PTPRQ: variants seen among roughly 807,000 people sequenced by gnomAD.
PTPRQ encodes phosphatidylinositol phosphatase PTPRQ.
In PTPRQ, 199 loss-of-function variants were observed where a neutral mutation model predicts 246.0. The ratio of observed to expected loss-of-function variants is 0.81; its 90% confidence interval spans 0.72 to 0.91. The LOEUF is 0.91. Ranked by LOEUF, PTPRQ falls within the 40% of genes least tolerant of loss-of-function variation. PTPRQ has a pLI of 0.00. For missense variants in PTPRQ, 2,624 were observed against 2,528.4 expected (o/e 1.04, Z -0.81); for synonymous variants, 869 against 853.2 (o/e 1.02, Z -0.32).
Position 80,664,945 on chromosome 12 carries a change from AG to A in PTPRQ, c.6193-4059del, listed in dbSNP as rs1482005002. ...CTTTTTCTTGGTGATTGTAAGAGTC[AG>A]GGTTCTCTAGAGGGACAGAACTAAC... On this transcript the variant is annotated intron_variant, in intron 39 of 44. Transcript: ENST00000644991. Among the ~76,000 whole-genome samples the A allele has an allele frequency of 7.9e-5, 12 of 152,096 alleles. No homozygotes were observed. The East Asian group carries it at 2.1e-3, about 27-fold the overall frequency.
At chr12:80,477,413 A>C (rs1469416120) in intron 8 of PTPRQ, among the ~76,000 whole-genome samples, 1 of 152,174 alleles carries the variant, frequency 6.6e-6, no homozygotes, top group Non-Finnish European at 1.5e-5. Context: ...ATTCTCAAGA[A>C]AATTATTTTT....
chr12:80,475,354 G>T (rs575692708), intron 8 of PTPRQ, among the ~76,000 whole-genome samples: 12 of 152,102 alleles, frequency 7.9e-5, no homozygotes, highest in Admixed American at 6.5e-4. Context: ...TGGCATTGGG[G>T]TAAAGAAAAT....
intron 25 of PTPRQ, among the ~76,000 whole-genome samples, chr12:80,576,896 C>T (rs202047645): frequency 6.6e-6 from 1 of 152,152 alleles, no homozygotes; most frequent in East Asian, 1.9e-4. Flanking sequence ...ATTTTATTTC[C>T]TCATACTCAT....
chr12:80,465,509 G>T (rs1174280449), intron 6 of PTPRQ: 2 of 152,192 alleles, frequency 1.3e-5, no homozygotes, highest in Non-Finnish European at 2.9e-5. Flanking sequence ...ATTTTATGAG[G>T]CCAGCATCAT....
chr12:80,475,541 T>C (rs1235184996), intron 8 of PTPRQ, among the ~76,000 whole-genome samples: 1 of 152,102 alleles, frequency 6.6e-6, no homozygotes, highest in Non-Finnish European at 1.5e-5. Flanking sequence ...TTTGTATCAA[T>C]ATTAAAGTCT....
chr12:80,572,593 A>G (rs545439514), intron 25 of PTPRQ, among the ~76,000 whole-genome samples: 1 of 152,194 alleles, frequency 6.6e-6, no homozygotes, highest in East Asian at 1.9e-4. Context: ...GTTGTTCCCA[A>G]TTTCAGGGAG....
At chr12:80,550,562 A>G (rs1400413514) in intron 25 of PTPRQ, among the ~76,000 whole-genome samples, 1 of 152,106 alleles carries the variant, frequency 6.6e-6, no homozygotes, top group Non-Finnish European at 1.5e-5. Context: ...CCAGGATGGA[A>G]TAGTTACATT....
chr12:80,511,094 T>C (rs1186200109), intron 17 of PTPRQ, among the ~76,000 whole-genome samples: 1 of 152,180 alleles, frequency 6.6e-6, no homozygotes, highest in South Asian at 2.1e-4. Flanking sequence ...GGATTTCATA[T>C]ATTTCAACTC....
chr12:80,588,665 C>T (rs1478458845), intron 26 of PTPRQ, among the ~76,000 whole-genome samples: 1 of 152,174 alleles, frequency 6.6e-6, no homozygotes, highest in Non-Finnish European at 1.5e-5. Flanking sequence ...TTCTCAAACT[C>T]CCAAAGTTGT....
chr12:80,471,735 C>T (rs1402684673), intron 7 of PTPRQ, among the ~76,000 whole-genome samples: 1 of 151,314 alleles, frequency 6.6e-6, no homozygotes, highest in Non-Finnish European at 1.5e-5. Flanking sequence ...CCTCGGCCTC[C>T]CAAAGTTATT....
chr12:80,577,596 G>A (rs916511411), intron 25 of PTPRQ, among the ~76,000 whole-genome samples: 2 of 152,002 alleles, frequency 1.3e-5, no homozygotes, highest in African/African-American at 2.4e-5. Flanking sequence ...TCCTTGTAAC[G>A]ATCCCTAAAA....
intron 17 of PTPRQ, among the ~76,000 whole-genome samples, chr12:80,517,185 GAGT>G (rs1268023127): frequency 1.3e-5 from 2 of 152,018 alleles, no homozygotes; most frequent in Non-Finnish European, 2.9e-5. Flanking sequence ...TTAAAAAAAT[GAGT>G]AGATCTCTTG....
chr12:80,549,518 T>C lies in PTPRQ; in HGVS notation c.4069T>C (p.Leu1357=). Residue 1357 remains leucine (L), a synonymous_variant, in exon 25 of 45, where the codon TTA becomes CTA. Coordinates refer to ENST00000644991, the MANE Select transcript of PTPRQ (RefSeq NM_001145026.2). Reference sequence around the variant, plus strand: ...CATGGCAACTAGCTGGCAGTCAGTTTTAGTGAAATGGGATCCACCCAAAAA... The same window carrying C: ...CATGGCAACTAGCTGGCAGTCAGTTCTAGTGAAATGGGATCCACCCAAAAA... ...QCMATSWQSV[L]VKWDPPKKAN... The C allele has an allele frequency of 6.4e-7, 1 of 1,551,132 alleles. No homozygotes were observed. Among genetic ancestry groups the C allele is most frequent in the Admixed American group, 2.0e-5 (1 of 50,970 alleles).
chr12:80,554,940 G>T (rs1243819675), intron 25 of PTPRQ, among the ~76,000 whole-genome samples: 1 of 151,982 alleles, frequency 6.6e-6, no homozygotes, highest in Non-Finnish European at 1.5e-5. Context: ...TTGAGACAGG[G>T]TCTCATTCTC....
intron 8 of PTPRQ, among the ~76,000 whole-genome samples, chr12:80,478,340 T>G (rs1278302421): frequency 6.6e-6 from 1 of 151,826 alleles, no homozygotes; most frequent in East Asian, 1.9e-4. Context: ...GAAGGAAAAC[T>G]AACAAACAGA....
chr12:80,553,318 A>G (rs1896541838), intron 25 of PTPRQ, among the ~76,000 whole-genome samples: 1 of 151,858 alleles, frequency 6.6e-6, no homozygotes, highest in Non-Finnish European at 1.5e-5. Context: ...TCTAGTAGGT[A>G]ATTATATTTA....
intron 4 of PTPRQ, among the ~76,000 whole-genome samples, chr12:80,457,888 A>C (rs962109848): frequency 1.3e-5 from 2 of 152,072 alleles, no homozygotes; most frequent in Admixed American, 1.3e-4. Context: ...AAAAAATGAA[A>C]ATTATCCATA....
At chr12:80,674,507 G>A (rs1452543849) in intron 43 of PTPRQ, among the ~76,000 whole-genome samples, 1 of 152,088 alleles carries the variant, frequency 6.6e-6, no homozygotes, top group Non-Finnish European at 1.5e-5. Context: ...CTCCTTGGAA[G>A]ATGCTGTTCC....
intron 25 of PTPRQ, among the ~76,000 whole-genome samples, chr12:80,564,438 G>A (rs1377215744): frequency 1.3e-5 from 2 of 152,110 alleles, no homozygotes; most frequent in Non-Finnish European, 2.9e-5. Flanking sequence ...GGAGTGGAAA[G>A]AATACATCTA....
Sources: allele counts gnomAD v4.1 joint callset (sites outside exome capture counted in the v4.1 genomes callset), GRCh38; gene constraint gnomAD v4.1.1; transcripts MANE v1.5; gene names NCBI Gene and HGNC (gene_info 2026-07-23, HGNC 2026-07-21).